The following ROBO3 variants were observed in gnomAD, a reference collection of about 807,000 sequenced individuals.
The protein encoded by ROBO3 is roundabout guidance receptor 3, also known as roundabout homolog 3.
In ROBO3, 97 loss-of-function variants were observed where a neutral mutation model predicts 160.5. The ratio of observed to expected loss-of-function variants is 0.60; its 90% CI spans 0.51 to 0.72. ROBO3 has a LOEUF of 0.72. Among genes scored for constraint, ROBO3 ranks in the 30% least tolerant of loss-of-function variants. ROBO3 has a pLI of 0.00. For missense variants in ROBO3, 1,858 were observed against 1,846.5 expected, an observed-to-expected ratio of 1.01 and a Z score of -0.11; for synonymous variants, 780 against 746.2, an observed-to-expected ratio of 1.05 and a Z score of -0.74.
In ROBO3 at chr11:124,872,605, C is replaced by A; in HGVS notation, c.1330+53C>A. The A allele has an allele frequency of 6.5e-7, 1 of 1,533,088 alleles. No homozygotes were observed. The highest frequency in any genetic ancestry group is 8.9e-7 in the Non-Finnish European group (1 of 1,118,704). The allele number at this position is 1,533,088 out of a possible 1,614,324, so 95.0% of individuals were successfully genotyped here. On this transcript the variant is annotated intron_variant, in intron 8 of 27. Coordinates refer to ENST00000397801, the MANE Select transcript of ROBO3 (RefSeq NM_022370.4). The surrounding 1 kb of genome is among the most constrained non-coding windows in gnomAD (Gnocchi z 4.3). ...TCCATGGCTTGGGAGGAAATAATGG[C>A]CTAAAGTGATGTGTTTCTCTTGGAG...
In ROBO3 at chr11:124,875,139, G is replaced by T. The variant is rs184921255; in HGVS notation, c.2102G>T (p.Gly701Val). 159 of 1,611,830 alleles carry T rather than the reference G, an allele frequency of 9.9e-5. No homozygotes were observed. The highest frequency in any genetic ancestry group is 1.2e-4 in the Non-Finnish European group (147 of 1,179,130). ...TVDGPVQLVQ[G>V]FRVSWRVAGP... Reference sequence around the variant, plus strand: ...GATGGCCCAGTCCAGCTGGTGCAAGGTTTCCGGGTGTCTTGGAGGGTAGCA... The same window carrying T: ...GATGGCCCAGTCCAGCTGGTGCAAGTTTTCCGGGTGTCTTGGAGGGTAGCA... The change falls in exon 14 of 28, where the codon GGT (glycine) becomes GTT (valine). Residue 701 changes from glycine (G) to valine (V), a missense_variant. By Grantham distance (109) the Gly-to-Val change is moderately radical (BLOSUM62 -3). Coordinates refer to ENST00000397801, the MANE Select transcript of ROBO3 (RefSeq NM_022370.4).
In ROBO3 at chr11:124,870,082, A is replaced by G; in HGVS notation, c.766+14A>G. ...TCATGGTACTGGGTAGGCACAGGGA[A>G]TTTTGACATTATGGGAACAGGTAGC... On this transcript the variant is annotated intron_variant, in intron 4 of 27. Transcript: ENST00000397801. The G allele has an allele frequency of 6.2e-7, 1 of 1,613,936 alleles. No individual in the cohort carries two copies. Among genetic ancestry groups the G allele is most frequent in the Non-Finnish European group, 8.5e-7 (1 of 1,179,826 alleles).
At chr11:124,874,265 C>A (rs1946320077) in intron 12 of ROBO3, 29 bp downstream of exon 12, 1 of 1,590,962 alleles carries the variant, frequency 6.3e-7, no homozygotes, top group Non-Finnish European at 8.6e-7. Context: ...GGCTCATGAG[C>A]ATGAAATGTA....
At chr11:124,877,733 G>A in intron 20 of ROBO3, 75 bp downstream of exon 20, 1 of 1,556,092 alleles carries the variant, frequency 6.4e-7, no homozygotes, top group Non-Finnish European at 8.7e-7. Context: ...AAGGGCGCCC[G>A]GGAGCCCGGT....
In ROBO3 at chr11:124,869,369, C is replaced by A; in HGVS notation, c.488-81C>A. 1 of 1,344,054 alleles carries A rather than the reference C, an allele frequency of 7.4e-7. No homozygotes were observed. Among genetic ancestry groups the A allele is most frequent in the Non-Finnish European group, 1.0e-6 (1 of 960,252 alleles). 83.3% of individuals were successfully genotyped at this position (1,344,054 alleles called of 1,614,324 possible). On this transcript the variant is annotated intron_variant, in intron 2 of 27. Transcript: ENST00000397801. The surrounding 1 kb of genome is among the most constrained non-coding windows in gnomAD (Gnocchi z 4.2). ...CAGTCTGCAGCGATCAACCCCTTCC[C>A]AAGACAACACTTTCCCTGTGTCCTC...
At position 124,870,168 on chromosome 11, in the gene ROBO3, G is replaced by A. The variant is rs750349831; in HGVS notation, c.770G>A (p.Arg257His). Residue 257 changes from arginine to histidine, a missense_variant, in exon 5 of 28, where the codon CGT (arginine) becomes CAT (histidine). Physicochemically the swap from Arg to His is conservative, Grantham distance 29. Transcript: ENST00000397801. Reference sequence around the variant, plus strand: ...TTCACTCACTACCACTCCATAGAGCGTCCCTCATTCCTGCGCAGACCAGTG... The same window carrying A: ...TTCACTCACTACCACTCCATAGAGCATCCCTCATTCCTGCGCAGACCAGTG... ...SAAAEVMVLE[R>H]PSFLRRPVNQ... 3.7e-5 allele frequency: 59 copies of A among 1,613,880 alleles called. No homozygotes were observed. The highest frequency in any genetic ancestry group is 9.9e-5 in the South Asian group (9 of 91,090).
At position 124,872,936 on chromosome 11, in the gene ROBO3, G is replaced by A. The variant is rs376216484; in HGVS notation, c.1383G>A (p.Thr461=). The change falls in exon 9 of 28, where the codon ACG becomes ACA. Residue 461 remains threonine, a synonymous_variant. Coordinates refer to ENST00000397801, the MANE Select transcript of ROBO3 (RefSeq NM_022370.4). The surrounding 1 kb of genome is among the most constrained non-coding windows in gnomAD (Gnocchi z 4.3). Reference sequence around the variant, plus strand: ...TCCTCCAGGGACCAGCCAATCAGACGCTGGTGCTTGGCTCCTCCGTGTGGC... The same window carrying A: ...TCCTCCAGGGACCAGCCAATCAGACACTGGTGCTTGGCTCCTCCGTGTGGC... ...PVILQGPANQ[T]LVLGSSVWLP... 3.7e-6 allele frequency: 6 copies of A among 1,612,450 alleles called. No individual in the cohort carries two copies. The highest frequency in any genetic ancestry group is 2.2e-5 in the East Asian group (1 of 44,894).
chr11:124,878,958 C>G lies in ROBO3; in HGVS notation c.3533+162C>G. On this transcript the variant is annotated intron_variant, in intron 23 of 27. Coordinates refer to ENST00000397801, the MANE Select transcript of ROBO3 (RefSeq NM_022370.4). This position sits in a 1 kb window ranked among gnomAD's most constrained non-coding sequence, Gnocchi z 4.3. ...TGTAATTTGGGCAGGAATATGGAGG[C>G]TGACAAGATCTCTCATGCCCATTAG... The G allele has an allele frequency of 1.3e-6, 1 of 773,766 alleles. No individual in the cohort carries two copies. The highest frequency in any genetic ancestry group is 2.1e-6 in the Non-Finnish European group (1 of 483,438). The allele number at this position is 773,766 out of a possible 1,614,324, so 47.9% of individuals were successfully genotyped here.
chr11:124,875,032 G>A, intron 13 of ROBO3, 79 bp from the exon 14 acceptor site: 1 of 1,513,284 alleles, frequency 6.6e-7, no homozygotes, highest in Non-Finnish European at 8.9e-7. Flanking sequence ...AGTGGGAGGA[G>A]GGGCTGGGCC....
Position 124,880,543 on chromosome 11 carries a change from GGCCGGA to G in ROBO3, c.4092_4097del (p.Arg1367_Ser1368del), listed in dbSNP as rs1011736614. The stretch of plus-strand genomic sequence containing the variant: ...CAGCTCTAGGGGCTCCCGGGGCCCT[GGCCGGA>G]GCCGGAGTCGGAGTCAGAGCCGGAG... On this transcript the variant is annotated inframe_deletion, in exon 27 of 28. Coordinates refer to ENST00000397801, the MANE Select transcript of ROBO3 (RefSeq NM_022370.4). 1.3e-6 allele frequency: 2 copies of G among 1,537,982 alleles called. No homozygotes were observed. The highest frequency in any genetic ancestry group is 1.7e-6 in the Non-Finnish European group (2 of 1,148,092).
chr11:124,870,094 T>C, intron 4 of ROBO3, 26 bp downstream of exon 4: 2 of 1,613,922 alleles, frequency 1.2e-6, no homozygotes, highest in Non-Finnish European at 1.7e-6. Flanking sequence ...TTTGACATTA[T>C]GGGAACAGGT....
At position 124,881,302 on chromosome 11, in the gene ROBO3, G is replaced by A. The variant is rs1346020893; in HGVS notation, c.*52G>A. On this transcript the variant is annotated 3_prime_UTR_variant, in exon 28 of 28. Coordinates refer to ENST00000397801, the MANE Select transcript of ROBO3 (RefSeq NM_022370.4). The stretch of plus-strand genomic sequence containing the variant: ...TGAGTGCCACGGGGAAGGGGAGTAG[G>A]GATGTCTTTTCCCCCCCAGCAGTGA... The A allele has an allele frequency of 1.3e-6, 2 of 1,556,758 alleles. No homozygotes were observed. Among genetic ancestry groups the A allele is most frequent in the Non-Finnish European group, 1.8e-6 (2 of 1,141,950 alleles).
Position 124,869,553 on chromosome 11 carries a change from C to G in ROBO3, c.591C>G (p.Ser197=), listed in dbSNP as rs922616470. 6.4e-7 allele frequency: 1 copy of G among 1,569,258 alleles called. No individual in the cohort carries two copies. Among genetic ancestry groups the G allele is most frequent in the Non-Finnish European group, 8.6e-7 (1 of 1,157,094 alleles). ...CVPPRGHPEP[S]VSWRKDGARL... ...CCCCCCGCGGCCACCCGGAGCCTTC[C>G]GTGTCCTGGAGGAAGGACGGTGCAA... Residue 197 remains serine, a synonymous_variant, in exon 3 of 28, where the codon TCC becomes TCG. Transcript: ENST00000397801. The surrounding 1 kb of genome is among the most constrained non-coding windows in gnomAD (Gnocchi z 4.2).
rs566184926 is a variant in ROBO3 at position 124,872,276 on chromosome 11, T to G, written c.1159-105T>G. On this transcript the variant is annotated intron_variant, in intron 7 of 27. Transcript: ENST00000397801. The surrounding 1 kb of genome is among the most constrained non-coding windows in gnomAD (Gnocchi z 4.3). ...TCACTGCTGGAGACAGACGATGAAC[T>G]AGAATCATAGGAATTCTCTGAATTT... The G allele has an allele frequency of 1.9e-6, 2 of 1,069,154 alleles. No homozygotes were observed. The highest frequency in any genetic ancestry group is 2.9e-6 in the Non-Finnish European group (2 of 689,188). 66.2% of individuals were successfully genotyped at this position (1,069,154 alleles called of 1,614,324 possible).
chr11:124,874,017 G>C, intron 11 of ROBO3, 53 bp from the exon 12 acceptor site: 2 of 1,606,760 alleles, frequency 1.2e-6, no homozygotes, highest in Non-Finnish European at 1.7e-6. Flanking sequence ...GATGGAGTAG[G>C]CAGGTTGGGA....
intron 12 of ROBO3, among the ~76,000 whole-genome samples, chr11:124,874,497 C>T (rs1298093428): frequency 1.3e-5 from 2 of 152,100 alleles, no homozygotes; most frequent in African/African-American, 2.4e-5. Flanking sequence ...GACTTCTGAG[C>T]CTTTTACCCA....
Position 124,873,421 on chromosome 11 carries a change from A to G in ROBO3, c.1618+30A>G. The stretch of plus-strand genomic sequence containing the variant: ...GTTTTTTCTTTCTTCCCTTATTTTG[A>G]TAATACCTTCCTCCAAACCTGCTTC... On this transcript the variant is annotated intron_variant, in intron 10 of 27. Transcript: ENST00000397801. The surrounding 1 kb of genome is among the most constrained non-coding windows in gnomAD (Gnocchi z 4.5). 2 of 1,571,226 alleles carry G rather than the reference A, an allele frequency of 1.3e-6. No homozygotes were observed. Among genetic ancestry groups the G allele is most frequent in the African/African-American group, 1.3e-5 (1 of 74,182 alleles).
chr11:124,876,055 T>A lies in ROBO3; in HGVS notation c.2523T>A (p.Tyr841Ter), dbSNP rs1392228266. 2 of 1,610,102 alleles carry A rather than the reference T, an allele frequency of 1.2e-6. No individual in the cohort carries two copies. Among genetic ancestry groups the A allele is most frequent in the Non-Finnish European group, 1.7e-6 (2 of 1,178,850 alleles). Residue 841 changes from tyrosine (Y) to a stop codon, truncating the protein, a stop_gained, in exon 16 of 28, where the codon TAT becomes TAA. Coordinates refer to ENST00000397801, the MANE Select transcript of ROBO3 (RefSeq NM_022370.4). LOFTEE classifies it high-confidence loss of function. This position sits in a 1 kb window ranked among gnomAD's most constrained non-coding sequence, Gnocchi z 5.3. ...GAGGACTGGTGCCCGGTCTCCTCTA[T>A]CGAACCCTGGTCGCGGCGGCCACCA... ...MLRGLVPGLL[Y>*]RTLVAAATSA...
At position 124,873,377 on chromosome 11, in the gene ROBO3, G is replaced by A. The variant is rs1241094447; in HGVS notation, c.1604G>A (p.Trp535Ter). 1 of 1,612,092 alleles carries A rather than the reference G, an allele frequency of 6.2e-7. No homozygotes were observed. Among genetic ancestry groups the A allele is most frequent in the East Asian group, 2.2e-5 (1 of 44,862 alleles). ...ACAGGGGAAGCCACATGGAGCGGCT[G>A]GCTTAAGATGCGGGGTGAGTTTTTT... ...SSTGEATWSG[W>*]LKMREDWGVS... Residue 535 changes from tryptophan to a stop codon, truncating the protein, a stop_gained, in exon 10 of 28, where the codon TGG becomes TAG. Transcript: ENST00000397801. LOFTEE classifies it high-confidence loss of function. The surrounding 1 kb of genome is among the most constrained non-coding windows in gnomAD (Gnocchi z 4.5).
Sources: allele counts gnomAD v4.1 joint callset (sites outside exome capture counted in the v4.1 genomes callset), GRCh38; gene constraint gnomAD v4.1.1; non-coding constraint Gnocchi (gnomAD v3.1); transcripts MANE v1.5; gene names NCBI Gene and HGNC (gene_info 2026-07-23, HGNC 2026-07-21).